The following NNMT variants were observed in gnomAD, a reference collection of about 807,000 sequenced individuals.
The protein encoded by NNMT is nicotinamide N-methyltransferase.
Under a neutral mutation model 11.7 loss-of-function variants are expected in NNMT, and 10 were observed. The observed-to-expected ratio is 0.85, with a 90% confidence interval of 0.53 to 1.45. The LOEUF (loss-of-function observed/expected upper bound fraction) is 1.45. Among genes scored for constraint, NNMT ranks in the 40% most tolerant of loss-of-function variants. The probability of loss-of-function intolerance (pLI) is 0.00; values close to 1 mark genes in which losing one functional copy is unlikely to be tolerated. For synonymous variants in NNMT, 143 were observed against 133.8 expected (o/e 1.07, Z -0.48); for missense variants, 381 against 319.4 (o/e 1.19, Z -1.47).
At chr11:114,307,848 G>A (rs1485037641) in intron 2 of NNMT, among the ~76,000 whole-genome samples, 3 of 151,732 alleles carry the variant, frequency 2.0e-5, no homozygotes, top group African/African-American at 7.3e-5. Context: ...CTGCTTGCCC[G>A]ACTCCTTTTT....
intron 2 of NNMT, among the ~76,000 whole-genome samples, chr11:114,298,886 T>C (rs1945410528): frequency 6.6e-6 from 1 of 152,202 alleles, no homozygotes; most frequent in African/African-American, 2.4e-5. Flanking sequence ...TGCAATTCAC[T>C]GTCTTTCTCA....
intron 2 of NNMT, among the ~76,000 whole-genome samples, chr11:114,281,515 A>G (rs1945263221): frequency 6.6e-6 from 1 of 152,116 alleles, no homozygotes; most frequent in South Asian, 2.1e-4. Context: ...TTAAAGATAA[A>G]AGAATTTAGA....
In NNMT at chr11:114,282,621, A is replaced by G. The variant is rs74630529; in HGVS notation, c.-129-13807A>G. 6.4e-3 allele frequency among the ~76,000 whole-genome samples: 969 copies of G among 152,274 alleles called. 10 individuals are homozygous for G. The highest frequency in any genetic ancestry group is 0.021 in the African/African-American group (872 of 41,548). Reference sequence around the variant, plus strand: ...GTGATGGAATTCTGACCCAAAGAATATTAACAGATTAATGTATGGCACTAC... The same window carrying G: ...GTGATGGAATTCTGACCCAAAGAATGTTAACAGATTAATGTATGGCACTAC... On this transcript the variant is annotated intron_variant, in intron 2 of 4. Coordinates refer to the NNMT transcript ENST00000535401.
rs1945405751 is a variant in NNMT, at chr11:114,298,389, G to T, written c.362+231G>T. ...TGGAAGACACAGGGAGAGGGTTGAA[G>T]AAATGGATACTGAGCAAAGAGGAGT... On this transcript the variant is annotated intron_variant, in intron 2 of 2. Coordinates refer to ENST00000299964, the MANE Select transcript of NNMT (RefSeq NM_006169.3). The T allele has an allele frequency of 5.7e-6, 3 of 523,470 alleles. No homozygotes were observed. In the East Asian group the frequency reaches 1.0e-4, roughly 18 times the overall value. 32.4% of individuals were successfully genotyped at this position (523,470 alleles called of 1,614,324 possible). A position where few individuals can be genotyped will look rare whatever the true frequency, so the allele number is the denominator to read the frequency against.
intron 2 of NNMT, among the ~76,000 whole-genome samples, chr11:114,265,213 T>C (rs1389639492): frequency 1.3e-5 from 2 of 152,142 alleles, no homozygotes; most frequent in African/African-American, 4.8e-5. Flanking sequence ...CTTTGAAGAT[T>C]TCAAGGATTT....
intron 2 of NNMT, among the ~76,000 whole-genome samples, chr11:114,275,770 G>A (rs1406931528): frequency 6.6e-6 from 1 of 152,104 alleles, no homozygotes; most frequent in Non-Finnish European, 1.5e-5. Flanking sequence ...TATGGTTAGG[G>A]TTAGGATTTG....
intron 2 of NNMT, chr11:114,262,979 G>A (rs1036091316): frequency 6.6e-5 from 10 of 152,228 alleles, no homozygotes; most frequent in African/African-American, 2.4e-4. Context: ...TGGGAAGGAG[G>A]GAGTCACAAA....
intron 2 of NNMT, among the ~76,000 whole-genome samples, chr11:114,290,409 A>G (rs926422983): frequency 6.6e-5 from 10 of 152,112 alleles, no homozygotes; most frequent in African/African-American, 1.9e-4. Context: ...ACTAATTTGG[A>G]AGTTAATACA....
At chr11:114,277,270 G>A (rs1457221368) in intron 2 of NNMT, among the ~76,000 whole-genome samples, 1 of 151,844 alleles carries the variant, frequency 6.6e-6, no homozygotes, top group Non-Finnish European at 1.5e-5. Context: ...AGAAAGAAAT[G>A]GACATAATAA....
At chr11:114,265,736 G>A (rs1040013852) in intron 2 of NNMT, among the ~76,000 whole-genome samples, 4 of 152,104 alleles carry the variant, frequency 2.6e-5, no homozygotes, top group Admixed American at 6.6e-5. Flanking sequence ...CAATTTCTCC[G>A]AAAATAGCCT....
intron 2 of NNMT, among the ~76,000 whole-genome samples, chr11:114,266,444 CT>C (rs1945120256): frequency 6.6e-6 from 1 of 152,212 alleles, no homozygotes; most frequent in African/African-American, 2.4e-5. Context: ...TTTCCCACCT[CT>C]ATACCCAGCC....
At chr11:114,266,228 C>A (rs1484828611) in intron 2 of NNMT, among the ~76,000 whole-genome samples, 1 of 152,066 alleles carries the variant, frequency 6.6e-6, no homozygotes, top group African/African-American at 2.4e-5. Flanking sequence ...CCCCACCCCA[C>A]CTCGCTGTTT....
intron 1 of NNMT, among the ~76,000 whole-genome samples, chr11:114,260,642 A>G (rs1012976150): frequency 1.3e-5 from 2 of 152,166 alleles, no homozygotes; most frequent in Non-Finnish European, 2.9e-5. Context: ...TGCATCTCTG[A>G]GTGCCCTCAA....
chr11:114,294,039 A>C (rs1945352936), upstream of NNMT, among the ~76,000 whole-genome samples: 1 of 152,210 alleles, frequency 6.6e-6, no homozygotes. Flanking sequence ...AGGCACAGAA[A>C]GACAAACTTT....
At chr11:114,276,826 C>T (rs1209040664) in intron 2 of NNMT, among the ~76,000 whole-genome samples, 4 of 152,198 alleles carry the variant, frequency 2.6e-5, no homozygotes, top group South Asian at 2.1e-4. Flanking sequence ...CAGAGGTTTC[C>T]GCATCAGGAG....
intron 2 of NNMT, among the ~76,000 whole-genome samples, chr11:114,310,917 T>C (rs1164287485): frequency 6.6e-6 from 1 of 152,258 alleles, no homozygotes; most frequent in Non-Finnish European, 1.5e-5. Flanking sequence ...CATTTGTTTG[T>C]TTGTTCCTTT....
At chr11:114,298,522 C>T (rs551466700) in intron 2 of NNMT, among the ~76,000 whole-genome samples, 162 of 152,268 alleles carry the variant, frequency 1.1e-3, no homozygotes, top group Non-Finnish European at 2.0e-3. Flanking sequence ...CAGCTTCTCA[C>T]CAGCAGCTTT....
intron 2 of NNMT, among the ~76,000 whole-genome samples, chr11:114,272,432 A>C (rs1945176676): frequency 6.6e-6 from 1 of 152,198 alleles, no homozygotes; most frequent in Admixed American, 6.5e-5. Context: ...TTAGAGAGGG[A>C]GGTGGGTGAG....
At chr11:114,259,161 C>G (rs560104036) in intron 1 of NNMT, among the ~76,000 whole-genome samples, 66 of 152,178 alleles carry the variant, frequency 4.3e-4, no homozygotes, top group Non-Finnish European at 6.8e-4. Context: ...TGATAGGCAC[C>G]CGGTAAATCT....
Sources: gnomAD v4.1 joint callset for allele counts (sites outside exome capture counted in the v4.1 genomes callset) on GRCh38, gnomAD v4.1.1 for gene constraint, MANE v1.5 for transcripts, NCBI Gene and HGNC (gene_info 2026-07-23, HGNC 2026-07-21) for gene names.